The following TANC2 variants were observed in gnomAD, a reference collection of about 807,000 sequenced individuals.
TANC2 encodes the protein protein TANC2.
In TANC2, 26 loss-of-function variants were observed where a neutral mutation model predicts 210.5. That is an observed-to-expected ratio of 0.12 (90% CI 0.09 to 0.17). TANC2 has a LOEUF of 0.17. Among genes scored for constraint, TANC2 ranks in the 10% least tolerant of loss-of-function variants. The pLI, the probability that TANC2 is intolerant of heterozygous loss-of-function variation, is 1.00. For synonymous variants in TANC2, 931 were observed against 967.1 expected (o/e 0.96, Z 0.69); for missense variants, 2,129 against 2,608.9 (o/e 0.82, Z 4.01).
chr17:63,007,826 C>T (rs912794025), intron 1 of TANC2, among the ~76,000 whole-genome samples: 2 of 152,016 alleles, frequency 1.3e-5, no homozygotes, highest in Admixed American at 6.6e-5. Context: ...CATATTTACC[C>T]TTCCTATGGC....
chr17:63,086,582 C>A (rs1245606940), intron 3 of TANC2, among the ~76,000 whole-genome samples: 3 of 152,098 alleles, frequency 2.0e-5, no homozygotes, highest in Non-Finnish European at 4.4e-5. Context: ...TCTGTTCTTG[C>A]ATGTTATCTA....
Position 63,421,609 on chromosome 17 carries a change from T to G in TANC2, c.5879T>G (p.Val1960Gly), listed in dbSNP as rs778455961. The G allele has an allele frequency of 3.7e-6, 6 of 1,613,956 alleles. No individual in the cohort carries two copies. The South Asian group carries it at 5.5e-5, about 15-fold the overall frequency. ...TGGGCAGTGTCATCTGTGGACACCG[T>G]CCTCAGTCCCACGTCTCCAGGCAAC... Residue 1960 changes from valine to glycine, a missense_variant, in exon 28 of 28, where the codon GTC becomes GGC. By Grantham distance (109) the Val-to-Gly change is moderately radical. Coordinates refer to ENST00000689528, the Ensembl canonical transcript of TANC2. This position sits in a 1 kb window ranked among gnomAD's most constrained non-coding sequence, Gnocchi z 6.9.
intron 1 of TANC2, among the ~76,000 whole-genome samples, chr17:62,987,667 C>A (rs1421713406): frequency 6.6e-6 from 1 of 152,180 alleles, no homozygotes; most frequent in Non-Finnish European, 1.5e-5. Context: ...CTGGGTACCT[C>A]CATGCTGGTC....
intron 2 of TANC2, among the ~76,000 whole-genome samples, chr17:63,072,511 T>TTA (rs149060640): frequency 7.2e-5 from 11 of 152,180 alleles, no homozygotes; most frequent in African/African-American, 2.6e-4. Context: ...ATGTGGTAAC[T>TTA]TATATAGTAA....
At chr17:63,342,793 A>G (rs2046281512) in intron 12 of TANC2, among the ~76,000 whole-genome samples, 1 of 152,172 alleles carries the variant, frequency 6.6e-6, no homozygotes, top group African/African-American at 2.4e-5. Flanking sequence ...AAAGAAAAGA[A>G]GGCTATCCAA....
chr17:63,110,633 T>C (rs890056587), intron 4 of TANC2, among the ~76,000 whole-genome samples: 1 of 152,084 alleles, frequency 6.6e-6, no homozygotes, highest in African/African-American at 2.4e-5. Context: ...AAGATGGAGG[T>C]GTGACATAAC....
At chr17:63,379,226 T>C (rs2047524299) in intron 14 of TANC2, among the ~76,000 whole-genome samples, 1 of 152,186 alleles carries the variant, frequency 6.6e-6, no homozygotes, top group South Asian at 2.1e-4. Flanking sequence ...TTTATACATG[T>C]GATTTGGATA....
chr17:63,306,124 G>A (rs1190964104), intron 9 of TANC2, among the ~76,000 whole-genome samples: 2 of 152,214 alleles, frequency 1.3e-5, no homozygotes, highest in Admixed American at 6.5e-5. Flanking sequence ...CAGGAAGTAA[G>A]GGAAGCCAGG....
At chr17:63,254,119 G>A (rs147677646) in intron 8 of TANC2, among the ~76,000 whole-genome samples, 73 of 152,236 alleles carry the variant, frequency 4.8e-4, no homozygotes, top group African/African-American at 1.8e-3. Flanking sequence ...TCCAGTCAAT[G>A]AACATGAAAT....
chr17:63,135,707 TTATCATAGC>T (rs2039066923), intron 4 of TANC2, among the ~76,000 whole-genome samples: 1 of 152,192 alleles, frequency 6.6e-6, no homozygotes, highest in Non-Finnish European at 1.5e-5. Context: ...ATGGAGTTAT[TTATCATAGC>T]TACTTTAAAA....
chr17:63,046,239 A>C (rs1380752285), intron 2 of TANC2, among the ~76,000 whole-genome samples: 2 of 148,750 alleles, frequency 1.3e-5, no homozygotes, highest in Non-Finnish European at 3.0e-5. Context: ...GGCTCACTGC[A>C]ACCTCCGCCT....
intron 1 of TANC2, among the ~76,000 whole-genome samples, chr17:63,009,184 G>A (rs1271991415): frequency 1.3e-5 from 2 of 151,128 alleles, no homozygotes; most frequent in Non-Finnish European, 3.0e-5. Flanking sequence ...ATATATTTAT[G>A]GGGGTAAACA....
At chr17:63,257,486 TA>T (rs1239612044) in intron 8 of TANC2, among the ~76,000 whole-genome samples, 1 of 152,076 alleles carries the variant, frequency 6.6e-6, no homozygotes. Context: ...GCCTCTCTAG[TA>T]ACTGAGATAA....
At chr17:63,199,854 G>T (rs779422474) in intron 6 of TANC2, among the ~76,000 whole-genome samples, 48 of 152,212 alleles carry the variant, frequency 3.2e-4, no homozygotes, top group Non-Finnish European at 5.9e-4. Flanking sequence ...GTGATCTCAG[G>T]CTGTAATGCT....
intron 5 of TANC2, among the ~76,000 whole-genome samples, chr17:63,168,730 T>C (rs961318053): frequency 6.6e-6 from 1 of 152,212 alleles, no homozygotes; most frequent in African/African-American, 2.4e-5. Flanking sequence ...TTGTAACCTT[T>C]GCTATGGCTT....
rs963944723 is a variant in TANC2 at position 63,374,623 on chromosome 17, G to C, written c.2583-5095G>C. On this transcript the variant is annotated intron_variant, in intron 14 of 27. Coordinates refer to ENST00000689528, the Ensembl canonical transcript of TANC2. The stretch of plus-strand genomic sequence containing the variant: ...GTTGCCATTTGAAGAATGAGAAATT[G>C]TTTTTCTGATGAACTAAACAGGAAA... Among the ~76,000 whole-genome samples the C allele has an allele frequency of 2.0e-5, 3 of 152,242 alleles. No individual in the cohort carries two copies. In the East Asian group the frequency reaches 5.8e-4, roughly 29 times the overall value.
At chr17:63,214,914 G>T (rs1288988967) in intron 7 of TANC2, among the ~76,000 whole-genome samples, 2 of 152,098 alleles carry the variant, frequency 1.3e-5, no homozygotes, top group African/African-American at 4.8e-5. Flanking sequence ...GAGAGGGTAG[G>T]TTCTAAATCC....
intron 4 of TANC2, among the ~76,000 whole-genome samples, chr17:63,112,345 C>T (rs972217398): frequency 2.6e-5 from 4 of 152,080 alleles, no homozygotes; most frequent in African/African-American, 9.7e-5. Flanking sequence ...GTAAGTGGAA[C>T]CTGTTAATCC....
At chr17:63,021,836 A>G (rs1191216817) in intron 2 of TANC2, among the ~76,000 whole-genome samples, 1 of 152,242 alleles carries the variant, frequency 6.6e-6, no homozygotes, top group Non-Finnish European at 1.5e-5. Context: ...CCCTAGGACT[A>G]GGGGAATCTG....
Sources: gnomAD v4.1 joint callset for allele counts (sites outside exome capture counted in the v4.1 genomes callset) on GRCh38, gnomAD v4.1.1 for gene constraint, Gnocchi (gnomAD v3.1) non-coding constraint, MANE v1.5 for transcripts, NCBI Gene and HGNC (gene_info 2026-07-23, HGNC 2026-07-21) for gene names.